The following ARHGAP15 variants were observed in gnomAD, a reference collection of about 807,000 sequenced individuals.
ARHGAP15 encodes rho GTPase-activating protein 15.
Under a neutral mutation model 63.7 loss-of-function variants are expected in ARHGAP15, and 51 were observed. The ratio of observed to expected loss-of-function variants is 0.80; its 90% CI spans 0.64 to 1.01. The LOEUF is 1.01. Ranked by LOEUF, ARHGAP15 falls within the 50% of genes least tolerant of loss-of-function variation. The pLI, the probability that ARHGAP15 is intolerant of heterozygous loss-of-function variation, is 0.00. For synonymous variants in ARHGAP15, 191 were observed against 193.8 expected (o/e 0.99, Z 0.12); for missense variants, 560 against 564.6 (o/e 0.99, Z 0.08).
At chr2:143,307,810 TTC>T (rs1313377474) in intron 6 of ARHGAP15, among the ~76,000 whole-genome samples, 1 of 152,128 alleles carries the variant, frequency 6.6e-6, no homozygotes, top group Non-Finnish European at 1.5e-5. Context: ...TTGAAATATT[TTC>T]TTTTTTCTAC....
At chr2:143,177,171 TTTCTC>T (rs1691039858) in intron 2 of ARHGAP15, among the ~76,000 whole-genome samples, 1 of 152,254 alleles carries the variant, frequency 6.6e-6, no homozygotes, top group Non-Finnish European at 1.5e-5. Flanking sequence ...GATATGCTCT[TTTCTC>T]TATCTGTGCA....
chr2:143,756,753 G>A (rs1042741756), intron 13 of ARHGAP15, among the ~76,000 whole-genome samples: 3 of 152,074 alleles, frequency 2.0e-5, no homozygotes, highest in Non-Finnish European at 4.4e-5. Flanking sequence ...ATGGAAAAAA[G>A]GTAATACATG....
intron 6 of ARHGAP15, among the ~76,000 whole-genome samples, chr2:143,304,840 G>A (rs537455185): frequency 6.2e-4 from 94 of 152,222 alleles, no homozygotes; most frequent in African/African-American, 2.2e-3. Context: ...ATGCTGGAGA[G>A]GGTATGGAGA....
chr2:143,207,972 T>G (rs1185138547), intron 3 of ARHGAP15, among the ~76,000 whole-genome samples: 1 of 152,110 alleles, frequency 6.6e-6, no homozygotes. Flanking sequence ...TCTCCAACTC[T>G]CCTCACCTCC....
intron 13 of ARHGAP15, among the ~76,000 whole-genome samples, chr2:143,745,085 T>G (rs1465750110): frequency 6.6e-6 from 1 of 152,208 alleles, no homozygotes; most frequent in African/African-American, 2.4e-5. Flanking sequence ...AAATTTTCCC[T>G]TCTTTCTATA....
intron 6 of ARHGAP15, among the ~76,000 whole-genome samples, chr2:143,413,966 T>TGTGTGTGTGCGCGCGCGCGCGCACGC: frequency 1.1e-3 from 131 of 117,924 alleles, no homozygotes; most frequent in African/African-American, 4.3e-3. Flanking sequence ...TGTGTGTGTG[T>TGTGTGTGTGCGCGCGCGCGCGCACGC]GCGCGCTCTC....
intron 5 of ARHGAP15, among the ~76,000 whole-genome samples, chr2:143,245,253 G>A (rs1574144955): frequency 6.6e-6 from 1 of 152,266 alleles, no homozygotes; most frequent in African/African-American, 2.4e-5. Flanking sequence ...TAGAAAGTGG[G>A]AAGAGGAAGA....
rs555528145 is a variant in ARHGAP15 at position 143,202,606 on chromosome 2, T to C, written c.234+404T>C. Among the ~76,000 whole-genome samples, 7 of 152,236 alleles carry C rather than the reference T, an allele frequency of 4.6e-5. No individual in the cohort carries two copies. The South Asian group carries it at 1.4e-3, about 32-fold the overall frequency. On this transcript the variant is annotated intron_variant, in intron 3 of 13. Transcript: ENST00000295095. ...AGCAAGATGGAAGTCAAAAATCTCTTGTAACCTAATTGTAAAAGCAATACG... is the reference window on the plus strand; with the variant it reads ...AGCAAGATGGAAGTCAAAAATCTCTCGTAACCTAATTGTAAAAGCAATACG...
chr2:143,472,111 G>A (rs1352285082), intron 8 of ARHGAP15: 1 of 152,014 alleles, frequency 6.6e-6, no homozygotes, highest in Non-Finnish European at 1.5e-5. Flanking sequence ...TGTGTCCTAA[G>A]GCTACATGGC....
chr2:143,135,718 C>CT (rs1305662824), intron 1 of ARHGAP15, among the ~76,000 whole-genome samples: 4 of 152,086 alleles, frequency 2.6e-5, no homozygotes, highest in South Asian at 2.1e-4. Flanking sequence ...TTCTGGAATA[C>CT]TTTTTTCTTC....
At chr2:143,621,067 A>G (rs1698629310) in intron 11 of ARHGAP15, among the ~76,000 whole-genome samples, 2 of 152,190 alleles carry the variant, frequency 1.3e-5, no homozygotes, top group South Asian at 4.1e-4. Flanking sequence ...ACCAAGAATA[A>G]TTTTGCACCA....
At chr2:143,329,774 A>G (rs1042776321) in intron 6 of ARHGAP15, among the ~76,000 whole-genome samples, 1 of 152,042 alleles carries the variant, frequency 6.6e-6, no homozygotes, top group Non-Finnish European at 1.5e-5. Context: ...ATATTTGCAC[A>G]TACACACCCC....
At chr2:143,699,437 C>T (rs1683988010) in intron 12 of ARHGAP15, among the ~76,000 whole-genome samples, 1 of 151,996 alleles carries the variant, frequency 6.6e-6, no homozygotes, top group African/African-American at 2.4e-5. Context: ...TGTCTGATTC[C>T]CCAAGAATGT....
chr2:143,356,203 G>A (rs1174701240), intron 6 of ARHGAP15, among the ~76,000 whole-genome samples: 1 of 152,114 alleles, frequency 6.6e-6, no homozygotes, highest in Non-Finnish European at 1.5e-5. Flanking sequence ...GGGAACCAAG[G>A]TGCCGACATG....
At chr2:143,362,555 C>A (rs111758037) in intron 6 of ARHGAP15, among the ~76,000 whole-genome samples, 2 of 152,312 alleles carry the variant, frequency 1.3e-5, no homozygotes, top group Admixed American at 6.5e-5. Flanking sequence ...TACAGTTAGT[C>A]TTGACCATAG....
At chr2:143,134,048 G>A (rs917269320) in intron 1 of ARHGAP15, among the ~76,000 whole-genome samples, 12 of 152,038 alleles carry the variant, frequency 7.9e-5, no homozygotes, top group African/African-American at 2.9e-4. Context: ...AAGAGTGATG[G>A]ATGTTTTCAA....
intron 13 of ARHGAP15, among the ~76,000 whole-genome samples, chr2:143,708,537 A>C (rs1237438731): frequency 6.6e-6 from 1 of 151,770 alleles, no homozygotes; most frequent in East Asian, 1.9e-4. Context: ...GCTACATCAC[A>C]CCCCCATTCT....
intron 6 of ARHGAP15, among the ~76,000 whole-genome samples, chr2:143,307,562 C>A (rs554892467): frequency 6.6e-6 from 1 of 152,154 alleles, no homozygotes; most frequent in East Asian, 1.9e-4. Context: ...TCAAAACCTT[C>A]TGTCCCATAT....
chr2:143,384,014 C>T (rs891140494), intron 6 of ARHGAP15, among the ~76,000 whole-genome samples: 11 of 152,090 alleles, frequency 7.2e-5, no homozygotes, highest in African/African-American at 2.4e-4. Flanking sequence ...CCTTGCCATC[C>T]TCCTCAGACA....
Sources: gnomAD v4.1 joint callset for allele counts (sites outside exome capture counted in the v4.1 genomes callset) on GRCh38, gnomAD v4.1.1 for gene constraint, MANE v1.5 for transcripts, NCBI Gene and HGNC (gene_info 2026-07-23, HGNC 2026-07-21) for gene names.